EDEM3: variants seen among roughly 807,000 people sequenced by gnomAD.
The protein encoded by EDEM3 is ER degradation-enhancing alpha-mannosidase-like protein 3.
EDEM3 carries 60 observed loss-of-function variants against 110.2 expected under a neutral mutation model. The ratio of observed to expected loss-of-function variants is 0.54; its 90% confidence interval spans 0.44 to 0.67. The LOEUF is 0.67. Among genes scored for constraint, EDEM3 ranks in the 30% least tolerant of loss-of-function variants. The pLI is 0.00. For missense variants in EDEM3, 996 were observed against 1,121.0 expected (o/e 0.89, Z 1.59); for synonymous variants, 352 against 382.9 (o/e 0.92, Z 0.94).
At position 184,693,988 on chromosome 1, in the gene EDEM3, A is replaced by G; in HGVS notation, c.*75T>C. The G allele has an allele frequency of 6.9e-7, 1 of 1,443,880 alleles. No individual in the cohort carries two copies. The highest frequency in any genetic ancestry group is 1.4e-5 in the South Asian group (1 of 70,454). The allele number at this position is 1,443,880 out of a possible 1,614,324, so 89.4% of individuals were successfully genotyped here. On this transcript the variant is annotated 3_prime_UTR_variant, in exon 20 of 20. Coordinates refer to ENST00000318130, the MANE Select transcript of EDEM3 (RefSeq NM_025191.4). ...AAGCCTCCCATTAGAAAGCCTGCTT[A>G]GTATTAGGATGTCTATTAACCACAC...
chr1:184,695,579 T>C (rs1487092299), intron 19 of EDEM3, among the ~76,000 whole-genome samples: 1 of 152,044 alleles, frequency 6.6e-6, no homozygotes, highest in Non-Finnish European at 1.5e-5. Context: ...TATACTGTAT[T>C]GTTTGGAGAA....
chr1:184,732,815 C>A, intron 6 of EDEM3, 22 bp downstream of exon 6: 1 of 1,604,908 alleles, frequency 6.2e-7, no homozygotes. Context: ...TATAAAGACT[C>A]ATATTTTTCA....
At chr1:184,740,081 A>G (rs1652053021) in intron 2 of EDEM3, among the ~76,000 whole-genome samples, 1 of 152,224 alleles carries the variant, frequency 6.6e-6, no homozygotes, top group Non-Finnish European at 1.5e-5. Context: ...ACAGAAAAGA[A>G]TAAAAACCAT....
At chr1:184,744,249 A>AAC (rs1269022771) in intron 2 of EDEM3, among the ~76,000 whole-genome samples, 1 of 87,594 alleles carries the variant, frequency 1.1e-5, no homozygotes, top group South Asian at 3.9e-4. Flanking sequence ...ACAAATGACA[A>AAC]ATATATATAT....
chr1:184,708,982 A>G (rs982759521), intron 16 of EDEM3, among the ~76,000 whole-genome samples: 2 of 152,184 alleles, frequency 1.3e-5, no homozygotes, highest in East Asian at 1.9e-4. Context: ...AAGAATGACT[A>G]TAATAGAAAA....
At chr1:184,696,210 A>G (rs1308037212) in intron 19 of EDEM3, among the ~76,000 whole-genome samples, 1 of 151,906 alleles carries the variant, frequency 6.6e-6, no homozygotes, top group Non-Finnish European at 1.5e-5. Context: ...TCTTCTGAGG[A>G]CAGCTGAGAG....
intron 6 of EDEM3, 73 bp downstream of exon 6, chr1:184,732,764 C>A: frequency 6.9e-7 from 1 of 1,447,302 alleles, no homozygotes. Flanking sequence ...AACAATGGCT[C>A]TGATCACAAA....
In EDEM3 at chr1:184,747,276, T is replaced by C. The variant is rs146794540; in HGVS notation, c.204+2271A>G. Among the ~76,000 whole-genome samples the C allele has an allele frequency of 2.6e-5, 4 of 152,320 alleles. No homozygotes were observed. In the East Asian group the frequency reaches 5.8e-4, roughly 22 times the overall value. On this transcript the variant is annotated intron_variant, in intron 2 of 19. Transcript: ENST00000318130. Reference sequence around the variant, plus strand: ...ACCTGTTTAGGGTCCAACCTGTAAATAGCTGAGACAGGATTTGAACTCAAG... The same window carrying C: ...ACCTGTTTAGGGTCCAACCTGTAAACAGCTGAGACAGGATTTGAACTCAAG...
Position 184,719,522 on chromosome 1 carries a change from A to G in EDEM3, c.998T>C (p.Leu333Pro). ...CATTGGTTTGTGGATATGCACATCAAGTAGAAGAGGTGGCTGGCTAATATA... is the reference window on the plus strand; with the variant it reads ...CATTGGTTTGTGGATATGCACATCAGGTAGAAGAGGTGGCTGGCTAATATA... ...MRYISQPPLL[L>P]DVHIHKPMLN... The change falls in exon 10 of 20, where the codon CTT (leucine) becomes CCT (proline). Residue 333 changes from leucine to proline, a missense_variant. Transcript: ENST00000318130. 1 of 1,614,078 alleles carries G rather than the reference A, an allele frequency of 6.2e-7. No individual in the cohort carries two copies. The highest frequency in any genetic ancestry group is 2.2e-5 in the East Asian group (1 of 44,834).
Position 184,694,046 on chromosome 1 carries a change from A to G in EDEM3, c.*17T>C. 6.2e-7 allele frequency: 1 copy of G among 1,603,560 alleles called. No homozygotes were observed. Among genetic ancestry groups the G allele is most frequent in the South Asian group, 1.1e-5 (1 of 90,044 alleles). ...ACCTTTTCTTTTTAAATACCTACCAACAGATTGTTTAGCAAGTCATAGCTC... is the reference window on the plus strand; with the variant it reads ...ACCTTTTCTTTTTAAATACCTACCAGCAGATTGTTTAGCAAGTCATAGCTC... On this transcript the variant is annotated 3_prime_UTR_variant, in exon 20 of 20. Transcript: ENST00000318130.
rs374191438 is a variant in EDEM3, at chr1:184,706,857, A to T, written c.2038-49T>A. 5.7e-6 allele frequency: 9 copies of T among 1,579,906 alleles called. No homozygotes were observed. The African/African-American group carries it at 1.2e-4, about 21-fold the overall frequency. On this transcript the variant is annotated intron_variant, in intron 17 of 19. Transcript: ENST00000318130. ...AATACTTTAATCTTCTCAAATGGCA[A>T]TCAAGTCATTAAACCTCAATATCTA...
rs1650677096 is a variant in EDEM3 at position 184,718,446 on chromosome 1, G to T, written c.1161+716C>A. Among the ~76,000 whole-genome samples the T allele has an allele frequency of 1.3e-5, 2 of 152,190 alleles. 1 individual carries two copies. Among genetic ancestry groups the T allele is most frequent in the South Asian group, 4.1e-4 (2 of 4,832 alleles). Reference sequence around the variant, plus strand: ...CAATGCACAGTCCTACTCACCCGAAGGCTAATAAAACTATACTTTCCAAAA... The same window carrying T: ...CAATGCACAGTCCTACTCACCCGAATGCTAATAAAACTATACTTTCCAAAA... On this transcript the variant is annotated intron_variant, in intron 11 of 19. Coordinates refer to ENST00000318130, the MANE Select transcript of EDEM3 (RefSeq NM_025191.4).
At chr1:184,728,355 A>G (rs1257933518) in intron 6 of EDEM3, among the ~76,000 whole-genome samples, 4 of 152,242 alleles carry the variant, frequency 2.6e-5, no homozygotes, top group African/African-American at 9.6e-5. Context: ...TAGTCATAAG[A>G]AAGCAAAAGC....
At chr1:184,740,379 CCAA>C (rs549325249) in intron 2 of EDEM3, among the ~76,000 whole-genome samples, 65 of 152,176 alleles carry the variant, frequency 4.3e-4, no homozygotes, top group African/African-American at 1.4e-3. Context: ...TGTTACACAC[CCAA>C]CAACATGGTT....
In EDEM3 at chr1:184,690,607, G is replaced by C. The variant is rs995429408; in HGVS notation, c.*3456C>G. 1 of 152,474 alleles carries C rather than the reference G, an allele frequency of 6.6e-6. No homozygotes were observed. Among genetic ancestry groups the C allele is most frequent in the African/African-American group, 2.4e-5 (1 of 41,382 alleles). 9.4% of individuals were successfully genotyped at this position (152,474 alleles called of 1,614,324 possible). On this transcript the variant is annotated 3_prime_UTR_variant, in exon 20 of 20. Coordinates refer to ENST00000318130, the MANE Select transcript of EDEM3 (RefSeq NM_025191.4). ...ATTTTGCCCAGACTTTTACATCACA[G>C]TACATAGTTTCCCTTAGAAATATTG...
rs1470504378 is a variant in EDEM3, at chr1:184,737,013, A to C, written c.345+12T>G. 1.2e-6 allele frequency: 2 copies of C among 1,608,538 alleles called. No homozygotes were observed. The highest frequency in any genetic ancestry group is 8.5e-7 in the Non-Finnish European group (1 of 1,175,250). On this transcript the variant is annotated intron_variant, in intron 4 of 19. Transcript: ENST00000318130. Reference sequence around the variant, plus strand: ...TCATGAATAAAATAAATCCAAGAAGAGTCAAACCTACCACAAGAGTGTCCA... The same window carrying C: ...TCATGAATAAAATAAATCCAAGAAGCGTCAAACCTACCACAAGAGTGTCCA...
At chr1:184,725,518 T>C (rs1188314350) in intron 7 of EDEM3, among the ~76,000 whole-genome samples, 1 of 152,014 alleles carries the variant, frequency 6.6e-6, no homozygotes, top group Non-Finnish European at 1.5e-5. Flanking sequence ...CATACAGACA[T>C]ACATTCAAAG....
intron 7 of EDEM3, among the ~76,000 whole-genome samples, chr1:184,725,884 G>T (rs1394195094): frequency 6.6e-6 from 1 of 152,058 alleles, no homozygotes; most frequent in African/African-American, 2.4e-5. Context: ...ATTAGTGAAG[G>T]TTTCAGAACT....
intron 2 of EDEM3, among the ~76,000 whole-genome samples, chr1:184,748,128 G>A (rs1001498945): frequency 6.6e-6 from 1 of 151,998 alleles, no homozygotes. Context: ...AATAAGGGTT[G>A]ACATGTGGGT....
Sources: gnomAD v4.1 joint callset for allele counts (sites outside exome capture counted in the v4.1 genomes callset) on GRCh38, gnomAD v4.1.1 for gene constraint, MANE v1.5 for transcripts, NCBI Gene and HGNC (gene_info 2026-07-23, HGNC 2026-07-21) for gene names.